The following PRSS23 variants were observed in gnomAD, a reference collection of about 807,000 sequenced individuals.
The protein encoded by PRSS23 is serine protease 23.
PRSS23 carries 25 observed loss-of-function variants against 34.7 expected under a neutral mutation model. That is an observed-to-expected ratio of 0.72 (90% CI 0.53 to 1.01). PRSS23 has a LOEUF of 1.01. PRSS23 is among the 50% of genes least tolerant of loss of function. The pLI, the probability that PRSS23 is intolerant of heterozygous loss-of-function variation, is 0.00. For missense variants in PRSS23, 445 were observed against 475.6 expected, an observed-to-expected ratio of 0.94 and a Z score of 0.60; for synonymous variants, 176 against 186.6, an observed-to-expected ratio of 0.94 and a Z score of 0.46.
intron 2 of PRSS23, among the ~76,000 whole-genome samples, chr11:86,838,281 G>T (rs1345875886): frequency 6.6e-6 from 1 of 152,120 alleles, no homozygotes; most frequent in African/African-American, 2.4e-5. Context: ...TTTTCCCATT[G>T]TCATAGCAAA....
At chr11:86,833,225 G>C (rs527298998) in intron 2 of PRSS23, 21 of 1,502,748 alleles carry the variant, frequency 1.4e-5, no homozygotes, top group Non-Finnish European at 1.9e-5. Context: ...ATCATCTTGG[G>C]GACCGTGTTG....
rs532509268 is a variant in PRSS23 at position 86,842,612 on chromosome 11, A to G, written c.206+19019A>G. ...GATACAAATTCAATGTGCAAAAATG[A>G]CAAGCATTCCTATACACCAATAATA... On this transcript the variant is annotated intron_variant, in intron 2 of 2. Coordinates refer to the PRSS23 transcript ENST00000533902. Among the ~76,000 whole-genome samples, 11 of 152,356 alleles carry G rather than the reference A, an allele frequency of 7.2e-5. No homozygotes were observed. In the East Asian group the frequency reaches 2.1e-3, roughly 29 times the overall value.
chr11:86,829,865 G>A (rs1041179580), intron 2 of PRSS23, among the ~76,000 whole-genome samples: 1 of 151,900 alleles, frequency 6.6e-6, no homozygotes, highest in Non-Finnish European at 1.5e-5. Context: ...TCTCAGAGGA[G>A]TACTTGGCCG....
intron 2 of PRSS23, chr11:86,832,516 A>G (rs55654337): frequency 3.5e-6 from 1 of 284,206 alleles, no homozygotes; most frequent in African/African-American, 2.2e-5. Context: ...AGATAATAAA[A>G]TAATGAGATT....
rs138875726 is a variant in PRSS23, at chr11:86,857,828, GGAA to G, written c.206+34240_206+34242del. The stretch of plus-strand genomic sequence containing the variant: ...ATGTCAGCCCAGGACAGGTTGGAGA[GGAA>G]GAAGTACATGGGGGTGTGGAAGTGG... On this transcript the variant is annotated intron_variant, in intron 2 of 2. Transcript: ENST00000533902. 4.8e-3 allele frequency: 3,167 copies of G among 655,546 alleles called. 76 individuals carry two copies. In the African/African-American group the frequency reaches 0.054, roughly 11 times the overall value. 40.6% of individuals were successfully genotyped at this position (655,546 alleles called of 1,614,324 possible).
intron 2 of PRSS23, among the ~76,000 whole-genome samples, chr11:86,943,451 C>T (rs955619501): frequency 1.3e-5 from 2 of 151,932 alleles, no homozygotes; most frequent in Admixed American, 1.3e-4. Flanking sequence ...ATGGTGAAAC[C>T]CCATCTCCAC....
At chr11:86,852,494 T>C (rs529816885) in intron 2 of PRSS23, among the ~76,000 whole-genome samples, 14 of 152,208 alleles carry the variant, frequency 9.2e-5, no homozygotes, top group Non-Finnish European at 1.9e-4. Context: ...CTTTCTTTTC[T>C]TCTTAAAGAT....
At chr11:86,821,783 C>A in intron 1 of PRSS23, 1 of 959,926 alleles carries the variant, frequency 1.0e-6, no homozygotes, top group Non-Finnish European at 1.6e-6. Context: ...CAGCCCGTTC[C>A]GCCTCAGCAC....
At chr11:86,862,218 TC>T (rs2134935736) in intron 2 of PRSS23, among the ~76,000 whole-genome samples, 1 of 152,110 alleles carries the variant, frequency 6.6e-6, no homozygotes, top group South Asian at 2.1e-4. Flanking sequence ...GAGATATTAC[TC>T]CTAATTTCAC....
intron 1 of PRSS23, chr11:86,821,295 A>G (rs1948249673): frequency 3.5e-6 from 2 of 568,894 alleles, no homozygotes; most frequent in Non-Finnish European, 6.0e-6. Context: ...TATTCATCAA[A>G]TATCTACCAA....
intron 2 of PRSS23, among the ~76,000 whole-genome samples, chr11:86,923,009 G>A (rs1394734400): frequency 6.6e-6 from 1 of 151,914 alleles, no homozygotes; most frequent in Admixed American, 6.6e-5. Context: ...CTTTTTTGGG[G>A]CTACTAAATG....
At chr11:86,827,833 G>A (rs1302217303) in intron 2 of PRSS23, among the ~76,000 whole-genome samples, 4 of 152,170 alleles carry the variant, frequency 2.6e-5, no homozygotes, top group Admixed American at 6.5e-5. Flanking sequence ...CTCAGTTCTA[G>A]TTTGATTGCA....
intron 2 of PRSS23, among the ~76,000 whole-genome samples, chr11:86,864,203 G>A (rs1002740165): frequency 1.3e-5 from 2 of 151,044 alleles, no homozygotes; most frequent in Non-Finnish European, 2.9e-5. Flanking sequence ...AGCCCATGAT[G>A]GTGATTATTT....
chr11:86,909,169 T>G (rs1948962128), intron 2 of PRSS23: 1 of 152,126 alleles, frequency 6.6e-6, no homozygotes, highest in Non-Finnish European at 1.5e-5. Context: ...TGCCTGGCCT[T>G]GTGTTTCTGT....
intron 2 of PRSS23, among the ~76,000 whole-genome samples, chr11:86,887,419 A>C (rs536210595): frequency 0.017 from 2,551 of 152,144 alleles, 47 homozygotes; most frequent in African/African-American, 0.04. Context: ...AAAACAAAAA[A>C]AAAAAAACAG....
At chr11:86,880,006 G>A (rs1383830665) in intron 2 of PRSS23, among the ~76,000 whole-genome samples, 2 of 152,142 alleles carry the variant, frequency 1.3e-5, no homozygotes, top group African/African-American at 4.8e-5. Flanking sequence ...AATAGAAAGG[G>A]GAGAAAGGCG....
chr11:86,851,907 A>G (rs1345018808), intron 2 of PRSS23, among the ~76,000 whole-genome samples: 2 of 152,092 alleles, frequency 1.3e-5, no homozygotes, highest in East Asian at 3.9e-4. Flanking sequence ...AAGGACAACC[A>G]TTGGTGGGGG....
intron 1 of PRSS23, among the ~76,000 whole-genome samples, chr11:86,806,399 A>C (rs1241566880): frequency 6.6e-6 from 1 of 152,196 alleles, no homozygotes; most frequent in Non-Finnish European, 1.5e-5. Context: ...CAATTTGTTC[A>C]TTTAGAGGGT....
Position 86,811,145 on chromosome 11 carries a change from G to A in PRSS23, c.*2350G>A, listed in dbSNP as rs531448300. The A allele has an allele frequency of 6.0e-6, 1 of 167,202 alleles. No homozygotes were observed. Among genetic ancestry groups the A allele is most frequent in the Non-Finnish European group, 1.5e-5 (1 of 68,112 alleles). 10.4% of individuals were successfully genotyped at this position (167,202 alleles called of 1,614,324 possible). ...TTATCAGAGGTTCACATGCCTGTCT[G>A]CACATTAAAAGCTCTGGGAAGACCT... is the stretch of plus-strand genomic sequence containing the variant. On this transcript the variant is annotated 3_prime_UTR_variant, in exon 2 of 2. Transcript: ENST00000280258.
Sources: gnomAD v4.1 joint callset for allele counts (sites outside exome capture counted in the v4.1 genomes callset) on GRCh38, gnomAD v4.1.1 for gene constraint, MANE v1.5 for transcripts, NCBI Gene and HGNC (gene_info 2026-07-23, HGNC 2026-07-21) for gene names.